C17orf58: variants seen among roughly 807,000 people sequenced by gnomAD.
C17orf58 encodes the protein UPF0450 protein C17orf58.
Under a neutral mutation model 7.4 loss-of-function variants are expected in C17orf58, and 5 were observed. The observed-to-expected ratio is 0.67, with a 90% confidence interval of 0.35 to 1.42. The LOEUF (loss-of-function observed/expected upper bound fraction) is 1.42. C17orf58 is among the 40% of genes most tolerant of loss of function. The pLI is 0.04. For missense variants in C17orf58, 162 were observed against 174.2 expected (o/e 0.93, Z 0.40); for synonymous variants, 60 against 70.6 (o/e 0.85, Z 0.75).
intron 1 of C17orf58, 115 bp downstream of exon 1, chr17:67,996,008 C>T: frequency 2.5e-6 from 1 of 398,048 alleles, no homozygotes; most frequent in Non-Finnish European, 4.4e-6. Flanking sequence ...CCGGGGTGTC[C>T]TCTCTTGCGA....
chr17:67,991,845 G>T lies in C17orf58; in HGVS notation c.*68C>A. 7.3e-7 allele frequency: 1 copy of T among 1,369,826 alleles called. No homozygotes were observed. Among genetic ancestry groups the T allele is most frequent in the Non-Finnish European group, 1.0e-6 (1 of 993,594 alleles). The allele number at this position is 1,369,826 out of a possible 1,614,324, so 84.9% of individuals were successfully genotyped here. ...CTGAAGGAGGACCCATTACATGAAG[G>T]TAGACCTTTCATGTCTTGTTGCCGA... On this transcript the variant is annotated 3_prime_UTR_variant, in exon 4 of 4. Transcript: ENST00000580729.
chr17:67,991,888 G>A lies in C17orf58; in HGVS notation c.*25C>T, dbSNP rs782651277. 7.7e-6 allele frequency: 12 copies of A among 1,567,420 alleles called. No individual in the cohort carries two copies. Among genetic ancestry groups the A allele is most frequent in the Non-Finnish European group, 1.0e-5 (12 of 1,152,816 alleles). ...GTTGCCGACGTCCAAGTCTCTTGCG[G>A]TCCAGAAATGCCAGGATGGTTGTTT... is the stretch of plus-strand genomic sequence containing the variant. On this transcript the variant is annotated 3_prime_UTR_variant, in exon 4 of 4. Transcript: ENST00000580729.
Position 67,993,013 on chromosome 17 carries a change from T to A in C17orf58, c.829+31A>T. 8 of 1,614,200 alleles carry A rather than the reference T, an allele frequency of 5.0e-6. No individual in the cohort carries two copies. Among genetic ancestry groups the A allele is most frequent in the Non-Finnish European group, 6.8e-6 (8 of 1,180,032 alleles). ...GTTACAAACGGTGGTATAAAGTACA[T>A]ATGCAGCGTCATTCAGGTCAGTTTC... On this transcript the variant is annotated intron_variant, in intron 3 of 3. Transcript: ENST00000580729. The surrounding 1 kb of genome is among the most constrained non-coding windows in gnomAD (Gnocchi z 5.1).
intron 1 of C17orf58, among the ~76,000 whole-genome samples, chr17:67,994,510 G>GTATATATATATA (rs1291189426): frequency 0.043 from 3,032 of 70,824 alleles, 114 homozygotes; most frequent in Non-Finnish European, 0.06. Context: ...GTGTGTGTGT[G>GTATATATATATA]TGTGTGTATA....
At chr17:67,994,197 A>G (rs1278332536) in intron 1 of C17orf58, among the ~76,000 whole-genome samples, 1 of 151,102 alleles carries the variant, frequency 6.6e-6, no homozygotes, top group Non-Finnish European at 1.5e-5. Context: ...GGGAGAGGAG[A>G]TAGAGGACAA....
In C17orf58 at chr17:67,993,885, C is replaced by T; in HGVS notation, c.176G>A (p.Arg59Gln). 2.6e-6 allele frequency: 1 copy of T among 377,970 alleles called. No individual in the cohort carries two copies. 23.4% of individuals were successfully genotyped at this position (377,970 alleles called of 1,614,324 possible). A position where few individuals can be genotyped will look rare whatever the true frequency, so the allele number is the denominator to read the frequency against. ...RAQPLLEAPQ[R>Q]PRAAEVAPAA... ...GGGAGCGACCTCGGCCGCGCGCGGC[C>T]GCTGCGGGGCCTCAAGGAGTGGCTG... Residue 59 changes from arginine to glutamine, a missense_variant, in exon 2 of 4, where the codon CGG (arginine) becomes CAG (glutamine). This residue lies in a region of C17orf58 where 93 missense variants were observed against 90.4 expected (regional missense o/e 1.03). Coordinates refer to ENST00000580729, the MANE Select transcript of C17orf58 (RefSeq NM_001382359.1). This position sits in a 1 kb window ranked among gnomAD's most constrained non-coding sequence, Gnocchi z 5.1.
Position 67,993,403 on chromosome 17 carries a change from C to A in C17orf58, c.637+21G>T, listed in dbSNP as rs1324156044. On this transcript the variant is annotated intron_variant, in intron 2 of 3. Transcript: ENST00000580729. The surrounding 1 kb of genome is among the most constrained non-coding windows in gnomAD (Gnocchi z 5.1). The stretch of plus-strand genomic sequence containing the variant: ...AAAGGCTCGCGGGGCGGCGGGGCGG[C>A]GGCGCGGCGGCCGGGCTCACCGAAT... The A allele has an allele frequency of 1.2e-4, 66 of 572,052 alleles. No homozygotes were observed. The Middle Eastern group carries it at 3.2e-3, about 28-fold the overall frequency. The allele number at this position is 572,052 out of a possible 1,614,324, so 35.4% of individuals were successfully genotyped here.
intron 1 of C17orf58, among the ~76,000 whole-genome samples, chr17:67,994,554 C>T (rs2148738164): frequency 1.0e-5 from 1 of 99,996 alleles, no homozygotes; most frequent in East Asian, 2.3e-4. Flanking sequence ...TATAAACATC[C>T]GCCTCTTTGC....
intron 3 of C17orf58, 104 bp from the exon 4 acceptor site, chr17:67,992,207 G>T: frequency 9.7e-7 from 1 of 1,029,888 alleles, no homozygotes; most frequent in Non-Finnish European, 1.4e-6. Flanking sequence ...CTATTATCTT[G>T]CTGCACAAGT....
At chr17:67,992,381 A>G (rs1309452212) in intron 3 of C17orf58, among the ~76,000 whole-genome samples, 1 of 152,074 alleles carries the variant, frequency 6.6e-6, no homozygotes, top group African/African-American at 2.4e-5. Flanking sequence ...CAGCCTGGCC[A>G]ACATGGTGAA....
In C17orf58 at chr17:67,991,677, T is replaced by C; in HGVS notation, c.*236A>G. 1 of 342,120 alleles carries C rather than the reference T, an allele frequency of 2.9e-6. No homozygotes were observed. Among genetic ancestry groups the C allele is most frequent in the Non-Finnish European group, 5.3e-6 (1 of 188,458 alleles). The allele number at this position is 342,120 out of a possible 1,614,324, so 21.2% of individuals were successfully genotyped here. A position where few individuals can be genotyped will look rare whatever the true frequency, so the allele number is the denominator to read the frequency against. On this transcript the variant is annotated 3_prime_UTR_variant, in exon 4 of 4. Transcript: ENST00000580729. ...CAATTATCTGAGCTGTGTAAATCATTGTCTGGCACTACAGTTGAATCACCT... is the reference window on the plus strand; with the variant it reads ...CAATTATCTGAGCTGTGTAAATCATCGTCTGGCACTACAGTTGAATCACCT...
chr17:67,993,136 A>C lies in C17orf58; in HGVS notation c.737T>G (p.Leu246Arg). 1 of 1,614,026 alleles carries C rather than the reference A, an allele frequency of 6.2e-7. No homozygotes were observed. Among genetic ancestry groups the C allele is most frequent in the Non-Finnish European group, 8.5e-7 (1 of 1,179,920 alleles). ...GAAGAAGCCGTCGGGGGTGAGGTAC[A>C]GGCGGTTCATCTTGTACAGCCCGTC... ...DRDGLYKMNR[L>R]YLTPDGFFFR... The change falls in exon 3 of 4, where the codon CTG becomes CGG. Residue 246 changes from leucine (L) to arginine (R), a missense_variant. By Grantham distance (102) the Leu-to-Arg change is moderately radical (BLOSUM62 -2). This residue lies in a region of C17orf58 where 93 missense variants were observed against 90.4 expected (regional missense o/e 1.03). Transcript: ENST00000580729. The surrounding 1 kb of genome is among the most constrained non-coding windows in gnomAD (Gnocchi z 5.1).
rs1181041213 is a variant in C17orf58 at position 67,991,829 on chromosome 17, G to A, written c.*84C>T. On this transcript the variant is annotated 3_prime_UTR_variant, in exon 4 of 4. Transcript: ENST00000580729. ...AGCTGAGGGCTCTCTTCTGAAGGAG[G>A]ACCCATTACATGAAGGTAGACCTTT... The A allele has an allele frequency of 2.6e-6, 3 of 1,132,140 alleles. No homozygotes were observed. Among genetic ancestry groups the A allele is most frequent in the Non-Finnish European group, 3.8e-6 (3 of 794,048 alleles). 70.1% of individuals were successfully genotyped at this position (1,132,140 alleles called of 1,614,324 possible).
Position 67,993,879 on chromosome 17 carries a change from C to G in C17orf58, c.182G>C (p.Arg61Pro), listed in dbSNP as rs1463611465. ...GGCGGCGGGAGCGACCTCGGCCGCG[C>G]GCGGCCGCTGCGGGGCCTCAAGGAG... is the stretch of plus-strand genomic sequence containing the variant. ...QPLLEAPQRP[R>P]AAEVAPAARA... Residue 61 changes from arginine to proline, a missense_variant, in exon 2 of 4, where the codon CGC becomes CCC. By Grantham distance (103) the Arg-to-Pro change is moderately radical. Around this residue, in one of 3 missense-constraint regions of C17orf58, gnomAD observed 93 missense variants for 90.4 expected, o/e 1.03. Coordinates refer to ENST00000580729, the MANE Select transcript of C17orf58 (RefSeq NM_001382359.1). The surrounding 1 kb of genome is among the most constrained non-coding windows in gnomAD (Gnocchi z 5.1). The G allele has an allele frequency of 9.4e-5, 35 of 371,738 alleles. No individual in the cohort carries two copies. The highest frequency in any genetic ancestry group is 1.3e-4 in the Non-Finnish European group (28 of 209,900). The allele number at this position is 371,738 out of a possible 1,614,324, so 23.0% of individuals were successfully genotyped here.
chr17:67,992,432 G>A (rs182580332), intron 3 of C17orf58, among the ~76,000 whole-genome samples: 9 of 152,132 alleles, frequency 5.9e-5, no homozygotes, highest in African/African-American at 2.2e-4. Context: ...GCAGGGCGTG[G>A]TGGCGCATGC....
In C17orf58 at chr17:67,993,073, C is replaced by A; in HGVS notation, c.800G>T (p.Cys267Phe). The A allele has an allele frequency of 6.2e-7, 1 of 1,614,164 alleles. No homozygotes were observed. Among genetic ancestry groups the A allele is most frequent in the Non-Finnish European group, 8.5e-7 (1 of 1,180,016 alleles). ...VHMLALDSSS[C>F]NKPCPEFKPG... ...TTTAAACTCTGGACACGGCTTATTG[C>A]AGCTGGAGGAGTCCAGGGCTAACAT... Residue 267 changes from cysteine to phenylalanine, a missense_variant, in exon 3 of 4, where the codon TGC (cysteine) becomes TTC (phenylalanine). Around this residue, in one of 3 missense-constraint regions of C17orf58, gnomAD observed 93 missense variants for 90.4 expected, o/e 1.03. Coordinates refer to ENST00000580729, the MANE Select transcript of C17orf58 (RefSeq NM_001382359.1). The surrounding 1 kb of genome is among the most constrained non-coding windows in gnomAD (Gnocchi z 5.1).
At chr17:67,994,761 T>TA (rs2070878304) in intron 1 of C17orf58, among the ~76,000 whole-genome samples, 1 of 151,930 alleles carries the variant, frequency 6.6e-6, no homozygotes, top group Admixed American at 6.6e-5. Flanking sequence ...GGACACCACT[T>TA]ACTGGTAAAC....
intron 1 of C17orf58, among the ~76,000 whole-genome samples, chr17:67,995,100 G>A (rs1333117653): frequency 6.6e-6 from 1 of 152,116 alleles, no homozygotes; most frequent in Non-Finnish European, 1.5e-5. Context: ...TTAAAGAGAT[G>A]GATCTGCCCA....
chr17:67,993,008 G>A lies in C17orf58; in HGVS notation c.829+36C>T, dbSNP rs782078172. ...CCCACGTTACAAACGGTGGTATAAA[G>A]TACATATGCAGCGTCATTCAGGTCA... On this transcript the variant is annotated intron_variant, in intron 3 of 3. Transcript: ENST00000580729. The surrounding 1 kb of genome is among the most constrained non-coding windows in gnomAD (Gnocchi z 5.1). 8.1e-6 allele frequency: 13 copies of A among 1,614,074 alleles called. No individual in the cohort carries two copies. Among genetic ancestry groups the A allele is most frequent in the Non-Finnish European group, 1.1e-5 (13 of 1,180,032 alleles).
Sources: allele counts gnomAD v4.1 joint callset (sites outside exome capture counted in the v4.1 genomes callset), GRCh38; gene constraint gnomAD v4.1.1; regional missense constraint gnomAD v4.1.1; non-coding constraint Gnocchi (gnomAD v3.1); transcripts MANE v1.5; gene names NCBI Gene and HGNC (gene_info 2026-07-23, HGNC 2026-07-21).